Variants in SYNJ2BP observed in about 807,000 individuals in gnomAD.
SYNJ2BP encodes the protein synaptojanin 2 binding protein, also known as synaptojanin-2-binding protein.
A neutral mutation model predicts 16.9 loss-of-function variants in SYNJ2BP; 10 were observed. The ratio of observed to expected loss-of-function variants is 0.59; its 90% confidence interval spans 0.36 to 1.00. The LOEUF (loss-of-function observed/expected upper bound fraction) is 1.00, where lower values mean the gene tolerates loss of function less well. Among genes scored for constraint, SYNJ2BP ranks in the 50% least tolerant of loss-of-function variants. The pLI, the probability that SYNJ2BP is intolerant of heterozygous loss-of-function variation, is 0.01. For synonymous variants in SYNJ2BP, 54 were observed against 68.4 expected (o/e 0.79, Z 1.04); for missense variants, 162 against 186.7 (o/e 0.87, Z 0.77).
At chr14:70,408,351 C>A (rs147603073) in intron 1 of SYNJ2BP, among the ~76,000 whole-genome samples, 1 of 152,134 alleles carries the variant, frequency 6.6e-6, no homozygotes, top group African/African-American at 2.4e-5. Context: ...TAAGACAGTA[C>A]AGAATCGTCA....
In SYNJ2BP at chr14:70,373,115, C is replaced by T; in HGVS notation, c.314G>A (p.Gly105Glu). 1 of 1,613,846 alleles carries T rather than the reference C, an allele frequency of 6.2e-7. No individual in the cohort carries two copies. Among genetic ancestry groups the T allele is most frequent in the East Asian group, 2.2e-5 (1 of 44,874 alleles). Residue 105 changes from glycine (G) to glutamate (E), a missense_variant, in exon 4 of 4, where the codon GGA (glycine) becomes GAA (glutamate). By Grantham distance (98) the Gly-to-Glu change is moderately conservative. Transcript: ENST00000256366. ...RVQHRLQVQN[G>E]PIGHRGEGDP... ...CCCTTCACCTCGATGTCCTATAGGT[C>T]CATTCTGCACCTGTAACTGGAAGGG...
chr14:70,391,890 G>A lies in SYNJ2BP; in HGVS notation c.65-3284C>T, dbSNP rs532750978. 3.7e-4 allele frequency among the ~76,000 whole-genome samples: 57 copies of A among 152,330 alleles called. No homozygotes were observed. The Middle Eastern group carries it at 0.024, about 64-fold the overall frequency. ...TATTTAACATGAGAACTCCTGGACT[G>A]ACCTGAAGCCCTTTGTTCAGCCAGA... On this transcript the variant is annotated intron_variant, in intron 1 of 3. Coordinates refer to ENST00000256366, the MANE Select transcript of SYNJ2BP (RefSeq NM_018373.3).
At chr14:70,396,917 T>C (rs1291388362) in intron 1 of SYNJ2BP, among the ~76,000 whole-genome samples, 1 of 152,222 alleles carries the variant, frequency 6.6e-6, no homozygotes, top group Admixed American at 6.5e-5. Flanking sequence ...TGGCAAATAC[T>C]ATCTCCCATT....
At chr14:70,387,082 A>G (rs1170280334) in intron 2 of SYNJ2BP, among the ~76,000 whole-genome samples, 1 of 152,012 alleles carries the variant, frequency 6.6e-6, no homozygotes, top group Non-Finnish European at 1.5e-5. Context: ...ATCCTATTTC[A>G]ATTTCCTTTT....
At chr14:70,373,572 G>A (rs911755131) in intron 3 of SYNJ2BP, among the ~76,000 whole-genome samples, 1 of 152,114 alleles carries the variant, frequency 6.6e-6, no homozygotes, top group East Asian at 1.9e-4. Flanking sequence ...GCAGATGTGG[G>A]CAATGTCAAC....
intron 1 of SYNJ2BP, among the ~76,000 whole-genome samples, chr14:70,397,342 G>GTTGGTTGTC (rs1323733781): frequency 1.3e-5 from 2 of 152,018 alleles, no homozygotes; most frequent in Admixed American, 1.3e-4. Flanking sequence ...TTGATTTTCT[G>GTTGGTTGTC]TTGGTTGTCC....
chr14:70,411,638 C>T (rs562932457), intron 1 of SYNJ2BP, among the ~76,000 whole-genome samples: 5 of 152,318 alleles, frequency 3.3e-5, no homozygotes, highest in African/African-American at 1.2e-4. Context: ...ATTGCTTAGG[C>T]CATACTCATC....
intron 1 of SYNJ2BP, among the ~76,000 whole-genome samples, chr14:70,404,510 G>A (rs1213248900): frequency 6.6e-6 from 1 of 152,088 alleles, no homozygotes; most frequent in Non-Finnish European, 1.5e-5. Context: ...ACATGGTATA[G>A]AAAAGCTAAA....
rs1358884796 is a variant in SYNJ2BP at position 70,367,436 on chromosome 14, C to G, written c.*5555G>C. ...AATTAGCCAGGCGTTGTGGCACACA[C>G]CTGTAATCCCAACTACTGGGGAGGC... On this transcript the variant is annotated 3_prime_UTR_variant, in exon 4 of 4. Transcript: ENST00000256366. 6.6e-6 allele frequency: 1 copy of G among 151,876 alleles called. No individual in the cohort carries two copies. Among genetic ancestry groups the G allele is most frequent in the Admixed American group, 6.6e-5 (1 of 15,240 alleles). 9.4% of individuals were successfully genotyped at this position (151,876 alleles called of 1,614,324 possible).
At chr14:70,402,319 G>C (rs1289830867) in intron 1 of SYNJ2BP, among the ~76,000 whole-genome samples, 2 of 152,158 alleles carry the variant, frequency 1.3e-5, no homozygotes, top group African/African-American at 4.8e-5. Flanking sequence ...TATTACTATA[G>C]GCAGCTACTC....
chr14:70,415,029 T>C (rs1422560393), intron 1 of SYNJ2BP, among the ~76,000 whole-genome samples: 3 of 152,192 alleles, frequency 2.0e-5, no homozygotes, highest in South Asian at 4.2e-4. Context: ...ATATGGAGCA[T>C]GACACTAATC....
intron 2 of SYNJ2BP, among the ~76,000 whole-genome samples, chr14:70,385,659 G>A (rs1887845719): frequency 6.6e-6 from 1 of 152,146 alleles, no homozygotes; most frequent in Admixed American, 6.5e-5. Context: ...GGGATTACAG[G>A]CATGAGCCAC....
At chr14:70,393,935 G>A (rs931591511) in intron 1 of SYNJ2BP, among the ~76,000 whole-genome samples, 29 of 138,826 alleles carry the variant, frequency 2.1e-4, no homozygotes, top group African/African-American at 7.4e-4. Context: ...AAACCTGCAC[G>A]TTCAGCACAT....
chr14:70,368,650 C>T lies in SYNJ2BP; in HGVS notation c.*4341G>A, dbSNP rs80280841. On this transcript the variant is annotated 3_prime_UTR_variant, in exon 4 of 4. Coordinates refer to ENST00000256366, the MANE Select transcript of SYNJ2BP (RefSeq NM_018373.3). ...GAAGAAATGAATGTTCCACTTACTTCGTGCAGAAGCTCAGGAAGCTGGGCT... is the reference window on the plus strand; with the variant it reads ...GAAGAAATGAATGTTCCACTTACTTTGTGCAGAAGCTCAGGAAGCTGGGCT... 6.6e-6 allele frequency: 1 copy of T among 152,072 alleles called. No homozygotes were observed. Among genetic ancestry groups the T allele is most frequent in the Non-Finnish European group, 1.5e-5 (1 of 68,022 alleles). 9.4% of individuals were successfully genotyped at this position (152,072 alleles called of 1,614,324 possible).
intron 2 of SYNJ2BP, among the ~76,000 whole-genome samples, chr14:70,382,944 GA>G (rs1887783482): frequency 6.6e-6 from 1 of 151,308 alleles, no homozygotes; most frequent in South Asian, 2.1e-4. Context: ...TGTAAATGTA[GA>G]GACATAGAGA....
intron 1 of SYNJ2BP, among the ~76,000 whole-genome samples, chr14:70,409,320 A>T (rs1888418662): frequency 6.6e-6 from 1 of 152,366 alleles, no homozygotes. Context: ...AATAAATTTT[A>T]AAAAATAGTT....
chr14:70,374,983 A>G (rs1434979111), intron 3 of SYNJ2BP, among the ~76,000 whole-genome samples: 5 of 151,338 alleles, frequency 3.3e-5, no homozygotes, highest in Non-Finnish European at 5.9e-5. Context: ...AGGTCTCTCT[A>G]TGTTGCCCAG....
intron 2 of SYNJ2BP, among the ~76,000 whole-genome samples, chr14:70,377,034 C>T (rs1337636239): frequency 6.6e-6 from 1 of 152,152 alleles, no homozygotes; most frequent in African/African-American, 2.4e-5. Flanking sequence ...CAATAGTTTC[C>T]AACTCCATTC....
intron 1 of SYNJ2BP, among the ~76,000 whole-genome samples, chr14:70,404,200 G>T (rs1888300506): frequency 6.6e-6 from 1 of 151,982 alleles, no homozygotes; most frequent in Non-Finnish European, 1.5e-5. Context: ...GCAGGGCATG[G>T]TGGTGCACTA....
Sources: allele counts gnomAD v4.1 joint callset (sites outside exome capture counted in the v4.1 genomes callset), GRCh38; gene constraint gnomAD v4.1.1; transcripts MANE v1.5; gene names NCBI Gene and HGNC (gene_info 2026-07-23, HGNC 2026-07-21).